EHBP1: variants seen among roughly 807,000 people sequenced by gnomAD.
The protein encoded by EHBP1 is EH domain-binding protein 1.
In EHBP1, 55 loss-of-function variants were observed where a neutral mutation model predicts 144.0. That is an observed-to-expected ratio of 0.38 (90% CI 0.31 to 0.48). EHBP1 has a LOEUF of 0.48. Among genes scored for constraint, EHBP1 ranks in the 20% least tolerant of loss-of-function variants. The probability of loss-of-function intolerance (pLI) is 0.98; values close to 1 mark genes in which losing one functional copy is unlikely to be tolerated. For synonymous variants in EHBP1, 469 were observed against 472.7 expected, an observed-to-expected ratio of 0.99 and a Z score of 0.10; for missense variants, 1,200 against 1,364.2, an observed-to-expected ratio of 0.88 and a Z score of 1.90.
chr2:62,703,239 C>T (rs546864388), upstream of EHBP1, among the ~76,000 whole-genome samples: 4 of 151,274 alleles, frequency 2.6e-5, no homozygotes, highest in African/African-American at 4.9e-5. Context: ...TGGTAGCATG[C>T]GACTGTAGTC....
intron 14 of EHBP1, among the ~76,000 whole-genome samples, chr2:62,968,782 A>G (rs1051723155): frequency 2.0e-5 from 3 of 152,224 alleles, no homozygotes; most frequent in African/African-American, 7.2e-5. Context: ...TCAGCCTGTC[A>G]TGACAAATCT....
At chr2:62,841,590 C>T (rs973488045) in intron 7 of EHBP1, among the ~76,000 whole-genome samples, 5 of 152,110 alleles carry the variant, frequency 3.3e-5, no homozygotes, top group Non-Finnish European at 7.4e-5. Context: ...TTCCCTCCAA[C>T]CCCATTGGCT....
Position 62,826,120 on chromosome 2 carries a change from A to T in EHBP1, c.346A>T (p.Thr116Ser), listed in dbSNP as rs562252773. The T allele has an allele frequency of 4.6e-6, 7 of 1,534,762 alleles. No individual in the cohort carries two copies. The Admixed American group carries it at 9.8e-5, about 22-fold the overall frequency. ...TTCTGGTCGAAGGAAAGCTCTTGCT[A>T]CTAGCAGCATCAATATGAAACAGTA... ...SPSGRRKALA[T>S]SSINMKQYAS... The change falls in exon 6 of 23, where the codon ACT (threonine) becomes TCT (serine). Residue 116 changes from threonine (T) to serine (S), a missense_variant. This residue lies in a region of EHBP1 where 137 missense variants were observed against 190.1 expected (regional missense o/e 0.72). Coordinates refer to ENST00000431489, the MANE Select transcript of EHBP1 (RefSeq NM_001142616.3).
At chr2:62,847,610 G>T (rs778457248) in intron 7 of EHBP1, among the ~76,000 whole-genome samples, 6 of 152,198 alleles carry the variant, frequency 3.9e-5, no homozygotes, top group Non-Finnish European at 8.8e-5. Context: ...GAGGTGGGAA[G>T]ATAGCTTGAG....
At chr2:62,863,734 C>G (rs1365410057) in intron 8 of EHBP1, among the ~76,000 whole-genome samples, 1 of 151,754 alleles carries the variant, frequency 6.6e-6, no homozygotes, top group African/African-American at 2.4e-5. Context: ...TATCAGATCC[C>G]TGAGTGGTCT....
intron 15 of EHBP1, among the ~76,000 whole-genome samples, chr2:62,983,838 G>A (rs750221048): frequency 5.3e-5 from 8 of 152,182 alleles, no homozygotes; most frequent in Admixed American, 2.0e-4. Flanking sequence ...CACTGCGCCC[G>A]GCCTTTGCCT....
rs555284510 is a variant in EHBP1 at position 62,966,426 on chromosome 2, G to A, written c.2460+10766G>A. ...CTGAAGCATGAGAATTTGTGTTTGG[G>A]GTACCTTTTATACATTTTAAATGTA... On this transcript the variant is annotated intron_variant, in intron 14 of 22. Transcript: ENST00000431489. Among the ~76,000 whole-genome samples the A allele has an allele frequency of 2.6e-5, 4 of 152,078 alleles. No individual in the cohort carries two copies. In the South Asian group the frequency reaches 8.3e-4, roughly 32 times the overall value.
At chr2:62,860,366 A>G (rs549541671) in intron 8 of EHBP1, among the ~76,000 whole-genome samples, 1 of 152,188 alleles carries the variant, frequency 6.6e-6, no homozygotes, top group African/African-American at 2.4e-5. Context: ...TGGTGCATGC[A>G]TGTAATCCCA....
chr2:62,960,179 C>T (rs1195436623), intron 14 of EHBP1, among the ~76,000 whole-genome samples: 3 of 152,158 alleles, frequency 2.0e-5, no homozygotes, highest in Admixed American at 1.3e-4. Context: ...GGTAACCCCA[C>T]TTACCTAAGA....
intron 19 of EHBP1, among the ~76,000 whole-genome samples, chr2:63,017,288 T>G (rs2060524629): frequency 6.6e-6 from 1 of 152,216 alleles, no homozygotes; most frequent in Non-Finnish European, 1.5e-5. Flanking sequence ...CCTCCCAAAG[T>G]GCTGGGATTA....
At chr2:62,708,187 G>T (rs181960077) in intron 2 of EHBP1, among the ~76,000 whole-genome samples, 36 of 152,128 alleles carry the variant, frequency 2.4e-4, no homozygotes, top group African/African-American at 8.2e-4. Context: ...TAAAAAAATA[G>T]CTTGCTTTAT....
chr2:62,989,557 T>A (rs2059333761), intron 15 of EHBP1, among the ~76,000 whole-genome samples: 1 of 152,166 alleles, frequency 6.6e-6, no homozygotes. Context: ...AAAACTCTCC[T>A]CCTACTTAAT....
At chr2:62,988,832 C>CT (rs1319316968) in intron 15 of EHBP1, among the ~76,000 whole-genome samples, 1 of 152,134 alleles carries the variant, frequency 6.6e-6, no homozygotes, top group East Asian at 1.9e-4. Context: ...TAATATTTAT[C>CT]TTTTCCTGTA....
At chr2:62,863,522 A>G (rs564115642) in intron 8 of EHBP1, among the ~76,000 whole-genome samples, 6 of 152,326 alleles carry the variant, frequency 3.9e-5, no homozygotes, top group African/African-American at 9.6e-5. Context: ...TGATATATCT[A>G]TCAGCTTACC....
intron 2 of EHBP1, among the ~76,000 whole-genome samples, chr2:62,712,307 A>G (rs749888254): frequency 3.3e-5 from 5 of 152,154 alleles, no homozygotes; most frequent in South Asian, 2.1e-4. Flanking sequence ...TTTCTCAGGG[A>G]AATGATATAA....
chr2:62,890,618 T>C (rs908186654), intron 10 of EHBP1, among the ~76,000 whole-genome samples: 3 of 152,222 alleles, frequency 2.0e-5, no homozygotes, highest in Non-Finnish European at 4.4e-5. Context: ...AAGTTATTTA[T>C]TAGCTAAAGA....
At chr2:63,029,242 A>T (rs555719897) in intron 19 of EHBP1, among the ~76,000 whole-genome samples, 1 of 152,062 alleles carries the variant, frequency 6.6e-6, no homozygotes, top group East Asian at 1.9e-4. Context: ...CCTGTAGGGC[A>T]TCTGCTTTGT....
At chr2:62,864,265 G>A (rs1409522354) in intron 8 of EHBP1, among the ~76,000 whole-genome samples, 4 of 152,102 alleles carry the variant, frequency 2.6e-5, no homozygotes, top group South Asian at 2.1e-4. Flanking sequence ...CCACTGCAAC[G>A]TCCCTGGGAA....
intron 5 of EHBP1, among the ~76,000 whole-genome samples, chr2:62,773,836 G>A (rs1178828350): frequency 1.4e-5 from 1 of 73,320 alleles, no homozygotes; most frequent in Non-Finnish European, 2.5e-5. Context: ...AGGTGATACA[G>A]CAAGACTCCA....
Sources: allele counts gnomAD v4.1 joint callset (sites outside exome capture counted in the v4.1 genomes callset), GRCh38; gene constraint gnomAD v4.1.1; regional missense constraint gnomAD v4.1.1; transcripts MANE v1.5; gene names NCBI Gene and HGNC (gene_info 2026-07-23, HGNC 2026-07-21).